MARCHF6: variants seen among roughly 807,000 people sequenced by gnomAD.
MARCHF6 encodes E3 ubiquitin-protein ligase MARCHF6.
MARCHF6 carries 31 observed loss-of-function variants against 133.7 expected under a neutral mutation model. The ratio of observed to expected loss-of-function variants is 0.23; its 90% CI spans 0.17 to 0.31. The LOEUF is 0.31. Ranked by LOEUF, MARCHF6 falls within the 10% of genes least tolerant of loss-of-function variation. MARCHF6 has a pLI of 1.00. For missense variants in MARCHF6, 723 were observed against 1,121.6 expected, an observed-to-expected ratio of 0.64 and a Z score of 5.08; for synonymous variants, 395 against 402.5, an observed-to-expected ratio of 0.98 and a Z score of 0.22.
Position 10,434,378 on chromosome 5 carries a change from T to A in MARCHF6, c.*694T>A, listed in dbSNP as rs1740506671. 1 of 152,774 alleles carries A rather than the reference T, an allele frequency of 6.5e-6. No homozygotes were observed. Among genetic ancestry groups the A allele is most frequent in the South Asian group, 2.1e-4 (1 of 4,832 alleles). 9.5% of individuals were successfully genotyped at this position (152,774 alleles called of 1,614,324 possible). A position where few individuals can be genotyped will look rare whatever the true frequency, so the allele number is the denominator to read the frequency against. ...AGGAAATTATTTTTAATTTTGATAA[T>A]TTAATATTCCTAGTGTGATCAGCAT... On this transcript the variant is annotated 3_prime_UTR_variant, in exon 26 of 26. Coordinates refer to ENST00000274140, the MANE Select transcript of MARCHF6 (RefSeq NM_005885.4).
In MARCHF6 at chr5:10,401,467, C is replaced by T. The variant is rs574304821; in HGVS notation, c.973-592C>T. 4 of 153,452 alleles carry T rather than the reference C, an allele frequency of 2.6e-5. No homozygotes were observed. In the South Asian group the frequency reaches 8.2e-4, roughly 31 times the overall value. 9.5% of individuals were successfully genotyped at this position (153,452 alleles called of 1,614,324 possible). A position where few individuals can be genotyped will look rare whatever the true frequency, so the allele number is the denominator to read the frequency against. ...ACCTCTGATTCTCACTAGTTGAATG[C>T]AAGAACTTGAAAGGTTCAGGTAAGT... On this transcript the variant is annotated intron_variant, in intron 11 of 25. Transcript: ENST00000274140.
chr5:10,382,041 T>A, intron 4 of MARCHF6, 98 bp downstream of exon 4: 1 of 1,219,056 alleles, frequency 8.2e-7, no homozygotes, highest in South Asian at 1.3e-5. Flanking sequence ...GACTGATGTT[T>A]AGTTATTTGA....
At chr5:10,362,149 G>C (rs1224527592) in intron 1 of MARCHF6, among the ~76,000 whole-genome samples, 1 of 152,180 alleles carries the variant, frequency 6.6e-6, no homozygotes, top group African/African-American at 2.4e-5. Flanking sequence ...GGTTAATAAA[G>C]TATAATTTAC....
At chr5:10,418,236 C>T (rs565903022) in intron 22 of MARCHF6, among the ~76,000 whole-genome samples, 2 of 152,034 alleles carry the variant, frequency 1.3e-5, no homozygotes, top group South Asian at 4.2e-4. Flanking sequence ...AAAAATTAGC[C>T]AAGCGTGGTG....
chr5:10,403,598 A>G, intron 15 of MARCHF6, 57 bp downstream of exon 15: 1 of 1,487,042 alleles, frequency 6.7e-7, no homozygotes, highest in African/African-American at 1.4e-5. Flanking sequence ...TTTTGCTTTC[A>G]CCACCAGTCA....
chr5:10,411,663 C>A, intron 19 of MARCHF6, 126 bp downstream of exon 19: 1 of 624,156 alleles, frequency 1.6e-6, no homozygotes, highest in Non-Finnish European at 2.6e-6. Flanking sequence ...CATTTTATTA[C>A]CCTCATTATG....
intron 24 of MARCHF6, among the ~76,000 whole-genome samples, chr5:10,426,784 G>T (rs1472655058): frequency 6.6e-6 from 1 of 152,176 alleles, no homozygotes; most frequent in East Asian, 1.9e-4. Context: ...AAATAGGCAG[G>T]ATCAGATTTC....
At chr5:10,404,677 C>A (rs1286289520) in intron 15 of MARCHF6, among the ~76,000 whole-genome samples, 1 of 152,140 alleles carries the variant, frequency 6.6e-6, no homozygotes, top group Non-Finnish European at 1.5e-5. Context: ...GAAGGGAACA[C>A]AAAAGCACAA....
rs1452733596 is a variant in MARCHF6 at position 10,434,147 on chromosome 5, A to G, written c.*463A>G. 6.4e-6 allele frequency: 1 copy of G among 156,380 alleles called. No individual in the cohort carries two copies. Among genetic ancestry groups the G allele is most frequent in the South Asian group, 1.9e-4 (1 of 5,256 alleles). 9.7% of individuals were successfully genotyped at this position (156,380 alleles called of 1,614,324 possible). A position where few individuals can be genotyped will look rare whatever the true frequency, so the allele number is the denominator to read the frequency against. On this transcript the variant is annotated 3_prime_UTR_variant, in exon 26 of 26. Coordinates refer to ENST00000274140, the MANE Select transcript of MARCHF6 (RefSeq NM_005885.4). ...ACTGTACATTCTTTCTTTCTTGGCT[A>G]TTCAGACCTTACCAAGAACGTTAAA... is the stretch of plus-strand genomic sequence containing the variant.
chr5:10,412,363 T>G (rs1028652571), intron 19 of MARCHF6, among the ~76,000 whole-genome samples: 1 of 152,208 alleles, frequency 6.6e-6, no homozygotes, highest in African/African-American at 2.4e-5. Flanking sequence ...TGCTGGTGTT[T>G]ACAGTGGGTG....
rs950154825 is a variant in MARCHF6 at position 10,440,259 on chromosome 5, C to G, written c.*6575C>G. 1 of 152,156 alleles carries G rather than the reference C, an allele frequency of 6.6e-6. No individual in the cohort carries two copies. The highest frequency in any genetic ancestry group is 1.5e-5 in the Non-Finnish European group (1 of 68,024). The allele number at this position is 152,156 out of a possible 1,614,324, so 9.4% of individuals were successfully genotyped here. Reference sequence around the variant, plus strand: ...TGAATTTAGAATCAAAATAATGTGTCTATGGCCAAAATAAAACCTGAAATC... The same window carrying G: ...TGAATTTAGAATCAAAATAATGTGTGTATGGCCAAAATAAAACCTGAAATC... On this transcript the variant is annotated 3_prime_UTR_variant, in exon 26 of 26. Coordinates refer to ENST00000274140, the MANE Select transcript of MARCHF6 (RefSeq NM_005885.4).
chr5:10,376,951 C>T lies in MARCHF6; in HGVS notation c.20-847C>T, dbSNP rs192773893. 1.8e-3 allele frequency among the ~76,000 whole-genome samples: 267 copies of T among 152,270 alleles called. 1 individual carries two copies. Among genetic ancestry groups the T allele is most frequent in the Non-Finnish European group, 3.2e-3 (221 of 68,012 alleles). On this transcript the variant is annotated intron_variant, in intron 1 of 25. Transcript: ENST00000274140. ...CCTCCGATAGGCCACTAGGGATTGG[C>T]TCTTGGCCCTGACAGATAGCTGAGA...
At position 10,380,972 on chromosome 5, in the gene MARCHF6, A is replaced by G. The variant is rs187821791; in HGVS notation, c.191-828A>G. On this transcript the variant is annotated intron_variant, in intron 3 of 25. Coordinates refer to ENST00000274140, the MANE Select transcript of MARCHF6 (RefSeq NM_005885.4). ...CTATTTGTCAGTTGTTTATTTCTCAATGTTTATAGGTGTGAACAGTTTTGT... is the reference window on the plus strand; with the variant it reads ...CTATTTGTCAGTTGTTTATTTCTCAGTGTTTATAGGTGTGAACAGTTTTGT... Among the ~76,000 whole-genome samples, 412 of 151,736 alleles carry G rather than the reference A, an allele frequency of 2.7e-3. 2 individuals are homozygous for G. Among genetic ancestry groups the G allele is most frequent in the African/African-American group, 9.0e-3 (372 of 41,488 alleles).
At position 10,353,880 on chromosome 5, in the gene MARCHF6, C is replaced by G; in HGVS notation, c.-19C>G. 6.4e-7 allele frequency: 1 copy of G among 1,561,304 alleles called. No individual in the cohort carries two copies. Among genetic ancestry groups the G allele is most frequent in the Non-Finnish European group, 8.6e-7 (1 of 1,157,864 alleles). On this transcript the variant is annotated 5_prime_UTR_variant, in exon 1 of 26. Transcript: ENST00000274140. ...CGCGGGAGCCTCGTGGCTGCGTCAC[C>G]GCCGCCCCCCCAGACAAGATGGACA... is the stretch of plus-strand genomic sequence containing the variant.
intron 9 of MARCHF6, among the ~76,000 whole-genome samples, chr5:10,396,061 G>GA (rs1336217939): frequency 3.3e-5 from 5 of 152,094 alleles, no homozygotes; most frequent in Admixed American, 2.6e-4. Flanking sequence ...TGAATTATTG[G>GA]AAAAACCTTC....
chr5:10,373,635 C>T (rs372434445), intron 1 of MARCHF6, among the ~76,000 whole-genome samples: 3 of 152,274 alleles, frequency 2.0e-5, no homozygotes, highest in South Asian at 2.1e-4. Flanking sequence ...AGTCAATGGC[C>T]GACCCGTCAC....
At chr5:10,354,730 A>G (rs1561087618) in intron 1 of MARCHF6, 1 of 152,264 alleles carries the variant, frequency 6.6e-6, no homozygotes, top group East Asian at 1.9e-4. Context: ...TATAGAGGAA[A>G]TTACTAAATT....
chr5:10,420,243 A>G (rs1739760146), intron 22 of MARCHF6, among the ~76,000 whole-genome samples: 1 of 152,226 alleles, frequency 6.6e-6, no homozygotes, highest in Admixed American at 6.5e-5. Context: ...ATCACTTTTC[A>G]GTACATTTTA....
intron 17 of MARCHF6, 62 bp from the exon 18 acceptor site, chr5:10,410,077 A>G (rs1739130131): frequency 6.5e-7 from 1 of 1,535,716 alleles, no homozygotes; most frequent in Non-Finnish European, 8.9e-7. Flanking sequence ...TTGCGTTGTA[A>G]TCCCATTAAA....
Sources: allele counts gnomAD v4.1 joint callset (sites outside exome capture counted in the v4.1 genomes callset), GRCh38; gene constraint gnomAD v4.1.1; transcripts MANE v1.5; gene names NCBI Gene and HGNC (gene_info 2026-07-23, HGNC 2026-07-21).